SMCO2: variants seen among roughly 807,000 people sequenced by gnomAD.
SMCO2 encodes the protein single-pass membrane protein with coiled-coil domains 2.
A neutral mutation model predicts 29.5 loss-of-function variants in SMCO2; 25 were observed. The ratio of observed to expected loss-of-function variants is 0.85; its 90% CI spans 0.62 to 1.18. The LOEUF is 1.18. Ranked by LOEUF, SMCO2 falls within the 50% of genes most tolerant of loss-of-function variation. SMCO2 has a pLI of 0.00. For synonymous variants in SMCO2, 117 were observed against 123.3 expected (o/e 0.95, Z 0.34); for missense variants, 348 against 344.5 (o/e 1.01, Z -0.08).
the SMCO2 span, among the ~76,000 whole-genome samples, chr12:27,459,517 T>A: frequency 1.1e-4 from 17 of 152,140 alleles, no homozygotes; most frequent in Non-Finnish European, 1.5e-5. Context: ...ACCTATCAGG[T>A]ACTATGCTTA....
the SMCO2 span, among the ~76,000 whole-genome samples, chr12:27,448,883 T>C: frequency 3.3e-5 from 5 of 152,138 alleles, no homozygotes; most frequent in Non-Finnish European, 7.3e-5. Flanking sequence ...AGTCTACCAG[T>C]TGACCAAATA....
At position 27,474,767 on chromosome 12, in the gene SMCO2, CCAT is replaced by C; in HGVS notation, c.235-11_235-9del. On this transcript the variant is annotated splice_polypyrimidine_tract_variant and intron_variant, in intron 3 of 7. Coordinates refer to ENST00000298876, the Ensembl canonical transcript of SMCO2. ...ACTAACCTTTTGTTCTGCTTTGCTT[CCAT>C]CATCATCTTTACCAGGGTATGTTGG... 2 of 1,551,200 alleles carry C rather than the reference CCAT, an allele frequency of 1.3e-6. No individual in the cohort carries two copies. Among genetic ancestry groups the C allele is most frequent in the Non-Finnish European group, 1.7e-6 (2 of 1,146,544 alleles).
chr12:27,429,297 C>T, the SMCO2 span, among the ~76,000 whole-genome samples: 1 of 151,540 alleles, frequency 6.6e-6, no homozygotes, highest in East Asian at 1.9e-4. Context: ...AAAATTTTAC[C>T]ACCTAGTGAA....
intron 4 of SMCO2, among the ~76,000 whole-genome samples, chr12:27,484,882 A>C (rs201976182): frequency 2.1e-5 from 3 of 144,144 alleles, no homozygotes; most frequent in African/African-American, 7.6e-5. Context: ...ATATATATAT[A>C]TATATATATA....
intron 5 of SMCO2, 135 bp downstream of exon 6, chr12:27,488,682 G>A: frequency 1.9e-6 from 1 of 517,324 alleles, no homozygotes; most frequent in Non-Finnish European, 3.2e-6. Flanking sequence ...GGTCACGTCT[G>A]AGCACCCTTT....
chr12:27,428,048 C>A, the SMCO2 span, among the ~76,000 whole-genome samples: 1 of 152,064 alleles, frequency 6.6e-6, no homozygotes, highest in Non-Finnish European at 1.5e-5. Flanking sequence ...ACCGGATTAC[C>A]CTTGTGGGTG....
chr12:27,475,873 CT>C, intron 4 of SMCO2, 142 bp downstream of exon 5: 5 of 949,128 alleles, frequency 5.3e-6, no homozygotes, highest in Admixed American at 3.9e-5. Context: ...TTATCTTTTG[CT>C]CATTTAAAAA....
At chr12:27,438,899 G>A in the SMCO2 span, among the ~76,000 whole-genome samples, 2 of 152,174 alleles carry the variant, frequency 1.3e-5, no homozygotes, top group South Asian at 4.2e-4. Flanking sequence ...AGAACTCTTA[G>A]ACAGTGGTAG....
At chr12:27,428,791 TG>T in the SMCO2 span, among the ~76,000 whole-genome samples, 4 of 148,222 alleles carry the variant, frequency 2.7e-5, no homozygotes, top group Non-Finnish European at 4.5e-5. Context: ...CATTTTACCT[TG>T]GGGGTAAATA....
At chr12:27,441,950 C>G in the SMCO2 span, among the ~76,000 whole-genome samples, 3 of 152,130 alleles carry the variant, frequency 2.0e-5, no homozygotes, top group Admixed American at 1.3e-4. Context: ...AAACAACATG[C>G]TCCTGAACAA....
At chr12:27,475,778 A>T in intron 4 of SMCO2, 47 bp downstream of exon 5, 1 of 1,393,418 alleles carries the variant, frequency 7.2e-7, no homozygotes, top group Non-Finnish European at 9.3e-7. Flanking sequence ...AGAAAGTTTC[A>T]TAGCTTTAAA....
chr12:27,425,616 A>G, the SMCO2 span, among the ~76,000 whole-genome samples: 2 of 152,140 alleles, frequency 1.3e-5, no homozygotes, highest in Non-Finnish European at 2.9e-5. Flanking sequence ...CTCTCCGCAT[A>G]ATGACACTCA....
the SMCO2 span, among the ~76,000 whole-genome samples, chr12:27,453,641 TC>T: frequency 6.6e-6 from 1 of 152,272 alleles, no homozygotes; most frequent in South Asian, 2.1e-4. Flanking sequence ...CCTCCCTCTA[TC>T]CCCAGCCTCC....
At chr12:27,423,462 G>GACCACAGGCGCCCGCCACC in the SMCO2 span, 1 of 151,620 alleles carries the variant, frequency 6.6e-6, no homozygotes, top group African/African-American at 2.4e-5. Context: ...GAGCAGCTGG[G>GACCACAGGCGCCCGCCACC]ACCACAGGCG....
chr12:27,494,487 TTTATTATTATTATTATTATTA>T (rs60980302), intron 6 of SMCO2, 131 bp downstream of exon 7: 2 of 175,346 alleles, frequency 1.1e-5, no homozygotes, highest in African/African-American at 5.1e-5. Context: ...TTTAATTTAA[TTTATTATTATTATTATTATTA>T]TTATTATTAT....
At chr12:27,433,542 C>CACAT in the SMCO2 span, among the ~76,000 whole-genome samples, 236 of 132,626 alleles carry the variant, frequency 1.8e-3, no homozygotes, top group Non-Finnish European at 2.7e-3. Context: ...CACACACACA[C>CACAT]ATATATCATA....
chr12:27,433,165 C>T, the SMCO2 span, among the ~76,000 whole-genome samples: 1 of 152,068 alleles, frequency 6.6e-6, no homozygotes, highest in African/African-American at 2.4e-5. Flanking sequence ...CATACACGTA[C>T]ACACATATAG....
At chr12:27,441,073 C>T in the SMCO2 span, among the ~76,000 whole-genome samples, 1 of 151,924 alleles carries the variant, frequency 6.6e-6, no homozygotes, top group South Asian at 2.1e-4. Flanking sequence ...GCCTGGGCAA[C>T]ATGGCAAAAC....
chr12:27,451,274 A>AT, the SMCO2 span, among the ~76,000 whole-genome samples: 31 of 151,052 alleles, frequency 2.1e-4, no homozygotes, highest in East Asian at 7.8e-4. Context: ...CTCTAGTCAC[A>AT]TTTTTTTTTC....
Sources: gnomAD v4.1 joint callset for allele counts (sites outside exome capture counted in the v4.1 genomes callset) on GRCh38, gnomAD v4.1.1 for gene constraint, MANE v1.5 for transcripts, NCBI Gene and HGNC (gene_info 2026-07-23, HGNC 2026-07-21) for gene names.